NRG1: variants seen among roughly 807,000 people sequenced by gnomAD.
NRG1 encodes the protein neuregulin 1.
NRG1 carries 18 observed loss-of-function variants against 63.8 expected under a neutral mutation model. That is an observed-to-expected ratio of 0.28 (90% CI 0.19 to 0.42). The LOEUF (loss-of-function observed/expected upper bound fraction) is 0.42. NRG1 is among the 10% of genes least tolerant of loss of function. The probability of loss-of-function intolerance (pLI) is 1.00; values close to 1 mark genes in which losing one functional copy is unlikely to be tolerated. For synonymous variants in NRG1, 302 were observed against 301.3 expected (o/e 1.00, Z -0.02); for missense variants, 762 against 814.7 (o/e 0.94, Z 0.79).
chr8:31,884,794 T>G (rs539586271), intron 1 of NRG1, among the ~76,000 whole-genome samples: 2 of 151,798 alleles, frequency 1.3e-5, no homozygotes, highest in Non-Finnish European at 2.9e-5. Flanking sequence ...CATTTGACAT[T>G]TTTTTTTACA....
At chr8:31,693,180 A>C (rs979390269) in intron 1 of NRG1, among the ~76,000 whole-genome samples, 5 of 152,266 alleles carry the variant, frequency 3.3e-5, no homozygotes, top group African/African-American at 1.2e-4. Flanking sequence ...CTCTTACTGC[A>C]AAGGGATTCC....
chr8:31,780,861 C>A (rs772490868), intron 1 of NRG1, among the ~76,000 whole-genome samples: 2 of 152,146 alleles, frequency 1.3e-5, no homozygotes, highest in Non-Finnish European at 2.9e-5. Flanking sequence ...TGAATAAGGT[C>A]TTTTTGCCTG....
chr8:32,554,965 T>A lies in NRG1; in HGVS notation c.100+6139T>A, dbSNP rs144811002. ...TAAGTTACTGCAGTATTCTGGGCAA[T>A]CTACTGGAAGAACAGAGTCCCGATT... On this transcript the variant is annotated intron_variant, in intron 1 of 11. Transcript: ENST00000356819. Among the ~76,000 whole-genome samples, 351 of 151,882 alleles carry A rather than the reference T, an allele frequency of 2.3e-3. 2 individuals are homozygous for A. Among genetic ancestry groups the A allele is most frequent in the African/African-American group, 6.1e-3 (253 of 41,454 alleles).
In NRG1 at chr8:31,717,406, C is replaced by T. The variant is rs528990008; in HGVS notation, c.37+77975C>T. ...TGGGCGACAGAATGAGACTCCATCT[C>T]GACATTAAAAAAAAAAAAAAAAAGA... On this transcript the variant is annotated intron_variant, in intron 1 of 10. Transcript: ENST00000519301. 1.0e-3 allele frequency among the ~76,000 whole-genome samples: 100 copies of T among 95,694 alleles called. 1 individual carries two copies. Among genetic ancestry groups the T allele is most frequent in the East Asian group, 2.8e-3 (9 of 3,264 alleles). The allele number at this position is 95,694 out of a possible 152,430, so 62.8% of individuals were successfully genotyped here. A position where few individuals can be genotyped will look rare whatever the true frequency, so the allele number is the denominator to read the frequency against.
chr8:32,677,758 T>C (rs2128909179), intron 5 of NRG1, among the ~76,000 whole-genome samples: 1 of 152,356 alleles, frequency 6.6e-6, no homozygotes, highest in African/African-American at 2.4e-5. Context: ...AATTTCCACT[T>C]GCCTAGCAGG....
intron 1 of NRG1, among the ~76,000 whole-genome samples, chr8:31,856,441 C>T (rs925427178): frequency 3.3e-5 from 5 of 152,152 alleles, no homozygotes; most frequent in African/African-American, 7.2e-5. Context: ...ACGTAGTTCT[C>T]GAGCCTTGGT....
intron 1 of NRG1, among the ~76,000 whole-genome samples, chr8:31,827,042 A>G (rs1824639137): frequency 6.6e-6 from 1 of 152,186 alleles, no homozygotes; most frequent in Non-Finnish European, 1.5e-5. Flanking sequence ...TTAAGGGCCC[A>G]TGAAAGTCCT....
intron 1 of NRG1, among the ~76,000 whole-genome samples, chr8:31,942,680 G>A (rs1311404190): frequency 1.3e-5 from 2 of 151,712 alleles, no homozygotes; most frequent in African/African-American, 4.8e-5. Context: ...AAGAATTGAA[G>A]CAAATTAGCA....
intron 1 of NRG1, among the ~76,000 whole-genome samples, chr8:32,146,422 A>G (rs1219124962): frequency 6.6e-6 from 1 of 152,216 alleles, no homozygotes; most frequent in East Asian, 1.9e-4. Flanking sequence ...TTATGATACT[A>G]GGTTTCATCT....
intron 1 of NRG1, among the ~76,000 whole-genome samples, chr8:32,084,989 A>G (rs1011069595): frequency 6.6e-5 from 10 of 152,256 alleles, no homozygotes; most frequent in African/African-American, 9.6e-5. Flanking sequence ...TGAATGACAT[A>G]TAGTTTATTA....
At chr8:32,493,794 A>T (rs1826877900) in intron 1 of NRG1, among the ~76,000 whole-genome samples, 1 of 152,312 alleles carries the variant, frequency 6.6e-6, no homozygotes, top group South Asian at 2.1e-4. Context: ...TTGAAAGATA[A>T]TGAGTTCCCC....
At chr8:31,651,411 C>T (rs974420989) in intron 1 of NRG1, among the ~76,000 whole-genome samples, 2 of 152,162 alleles carry the variant, frequency 1.3e-5, no homozygotes, top group Non-Finnish European at 2.9e-5. Context: ...TTACTATTTA[C>T]TGTGAATTTA....
chr8:32,072,093 A>G (rs1563753006), intron 1 of NRG1, among the ~76,000 whole-genome samples: 1 of 152,162 alleles, frequency 6.6e-6, no homozygotes, highest in Non-Finnish European at 1.5e-5. Flanking sequence ...CCTGGCAATT[A>G]GGTAAACAGT....
downstream of NRG1, among the ~76,000 whole-genome samples, chr8:32,772,057 A>G (rs1432556221): frequency 0.012 from 49 of 4,032 alleles, 2 homozygotes; most frequent in African/African-American, 0.028. Context: ...ATATATATAT[A>G]TATATATATA....
intron 1 of NRG1, among the ~76,000 whole-genome samples, chr8:32,580,425 T>G (rs954170437): frequency 6.6e-6 from 1 of 152,214 alleles, no homozygotes; most frequent in Non-Finnish European, 1.5e-5. Flanking sequence ...TAAAATTTTC[T>G]GAGAACCTAA....
rs979039085 is a variant in NRG1, at chr8:32,142,969, G to T, written c.38-452859G>T. Among the ~76,000 whole-genome samples the T allele has an allele frequency of 2.6e-5, 4 of 152,168 alleles. No homozygotes were observed. In the East Asian group the frequency reaches 7.7e-4, roughly 29 times the overall value. ...TGTACACTTTAAGAAAGGTCTTAGT[G>T]TGGTAAACGTGAGGCAAACCAAAGT... On this transcript the variant is annotated intron_variant, in intron 1 of 10. Coordinates refer to the NRG1 transcript ENST00000519301.
At chr8:32,331,420 AAAGGGGAGGCT>A (rs1226427900) in intron 1 of NRG1, among the ~76,000 whole-genome samples, 1 of 150,990 alleles carries the variant, frequency 6.6e-6, no homozygotes, top group African/African-American at 2.4e-5. Context: ...TGTCCTAGCT[AAAGGGGAGGCT>A]AAGCTGGGAG....
At chr8:32,197,986 A>G (rs2077547493) in intron 1 of NRG1, among the ~76,000 whole-genome samples, 1 of 152,118 alleles carries the variant, frequency 6.6e-6, no homozygotes, top group African/African-American at 2.4e-5. Flanking sequence ...GCGCACACAC[A>G]CACACACACA....
intron 1 of NRG1, among the ~76,000 whole-genome samples, chr8:31,737,312 C>G (rs564675111): frequency 6.6e-6 from 1 of 152,180 alleles, no homozygotes; most frequent in South Asian, 2.1e-4. Context: ...CCCTTGTTAT[C>G]TGATTACCTA....
Sources: allele counts gnomAD v4.1 joint callset (sites outside exome capture counted in the v4.1 genomes callset), GRCh38; gene constraint gnomAD v4.1.1; transcripts MANE v1.5; gene names NCBI Gene and HGNC (gene_info 2026-07-23, HGNC 2026-07-21).